SLC2A1: variants seen among roughly 807,000 people sequenced by gnomAD.
The protein encoded by SLC2A1 is solute carrier family 2 member 1.
In SLC2A1, 4 loss-of-function variants were observed where a neutral mutation model predicts 46.6. The observed-to-expected ratio is 0.09, with a 90% CI of 0.04 to 0.20. The LOEUF is 0.20. SLC2A1 is among the 10% of genes least tolerant of loss of function. The pLI, the probability that SLC2A1 is intolerant of heterozygous loss-of-function variation, is 1.00. For missense variants in SLC2A1, 352 were observed against 667.0 expected (o/e 0.53, Z 5.20); for synonymous variants, 253 against 270.0 (o/e 0.94, Z 0.62).
At chr1:42,944,614 T>C (rs1332023502) in intron 1 of SLC2A1, among the ~76,000 whole-genome samples, 2 of 115,146 alleles carry the variant, frequency 1.7e-5, no homozygotes, top group Non-Finnish European at 3.2e-5. Context: ...TATGGTCTTT[T>C]CATTCTCTGA....
chr1:42,944,306 G>A (rs902388279), intron 1 of SLC2A1, among the ~76,000 whole-genome samples: 1 of 152,206 alleles, frequency 6.6e-6, no homozygotes, highest in Non-Finnish European at 1.5e-5. Flanking sequence ...CCAGCAGGGT[G>A]TCAGCCCTGC....
chr1:42,936,875 A>G (rs1643546903), intron 2 of SLC2A1, among the ~76,000 whole-genome samples: 1 of 152,060 alleles, frequency 6.6e-6, no homozygotes, highest in Non-Finnish European at 1.5e-5. Flanking sequence ...CTTCCTCCCG[A>G]GAACCACCCC....
At chr1:42,935,676 G>A (rs1177507549) in intron 2 of SLC2A1, among the ~76,000 whole-genome samples, 1 of 152,144 alleles carries the variant, frequency 6.6e-6, no homozygotes, top group Non-Finnish European at 1.5e-5. Flanking sequence ...GACCCTGCTC[G>A]GCTGCTCCTG....
In SLC2A1 at chr1:42,930,830, G is replaced by C. The variant is rs76672402; in HGVS notation, c.312C>G (p.Phe104Leu). The C allele has an allele frequency of 1.1e-4, 176 of 1,600,710 alleles. 4 individuals are homozygous for C. Among genetic ancestry groups the C allele is most frequent in the Non-Finnish European group, 2.9e-5 (34 of 1,179,952 alleles). ...AGAAGCCCATGAGCACGGCGGACAC[G>C]AAGGCCAGCAGGTTCATCATCAGCA... ...NSMLMMNLLA[F>L]VSAVLMGFSK... Residue 104 changes from phenylalanine (F) to leucine (L), a missense_variant, in exon 4 of 10, where the codon TTC becomes TTG. By Grantham distance (22) the Phe-to-Leu change is conservative. Around this residue, in one of 5 missense-constraint regions of SLC2A1, gnomAD observed 97 missense variants for 175.6 expected, o/e 0.55. Coordinates refer to ENST00000426263, the MANE Select transcript of SLC2A1 (RefSeq NM_006516.4). This position sits in a 1 kb window ranked among gnomAD's most constrained non-coding sequence, Gnocchi z 6.2.
intron 2 of SLC2A1, among the ~76,000 whole-genome samples, chr1:42,942,275 G>C (rs1643605690): frequency 6.6e-6 from 1 of 152,204 alleles, no homozygotes; most frequent in African/African-American, 2.4e-5. Context: ...CCTTGGGCCT[G>C]TCGGCCATTT....
intron 1 of SLC2A1, 44 bp downstream of exon 1, chr1:42,958,590 G>C: frequency 2.7e-6 from 4 of 1,507,264 alleles, no homozygotes; most frequent in South Asian, 1.2e-5. Context: ...GCAGGAGTCT[G>C]CGCCTTTGTT....
intron 2 of SLC2A1, among the ~76,000 whole-genome samples, chr1:42,933,341 T>C (rs1643511526): frequency 6.6e-6 from 1 of 152,118 alleles, no homozygotes; most frequent in South Asian, 2.1e-4. Flanking sequence ...GCCTTTGAGA[T>C]GCTACTACTC....
chr1:42,952,272 G>C (rs1010425748), intron 1 of SLC2A1: 1 of 421,810 alleles, frequency 2.4e-6, no homozygotes, highest in Non-Finnish European at 4.8e-6. Flanking sequence ...TCAGGATCAA[G>C]CCCACAAATA....
At chr1:42,935,115 G>C (rs1643529278) in intron 2 of SLC2A1, among the ~76,000 whole-genome samples, 1 of 152,166 alleles carries the variant, frequency 6.6e-6, no homozygotes. Context: ...GTTCTGGTTA[G>C]TTCCTGGGGG....
rs757187038 is a variant in SLC2A1 at position 42,929,806 on chromosome 1, G to A, written c.680-26C>T. On this transcript the variant is annotated intron_variant, in intron 5 of 9. Transcript: ENST00000426263. The surrounding 1 kb of genome is among the most constrained non-coding windows in gnomAD (Gnocchi z 6.0). ...CTGGGGGGACCGGAGGGAAGGTGAG[G>A]GTGGCTCAGAGTGGGAAGAAGGCCA... The A allele has an allele frequency of 3.7e-6, 6 of 1,614,092 alleles. No individual in the cohort carries two copies. Among genetic ancestry groups the A allele is most frequent in the African/African-American group, 2.7e-5 (2 of 74,942 alleles).
intron 2 of SLC2A1, among the ~76,000 whole-genome samples, chr1:42,940,576 G>T (rs544610680): frequency 1.3e-5 from 2 of 148,818 alleles, no homozygotes; most frequent in South Asian, 4.4e-4. Context: ...GCAATGGGTT[G>T]TTCTCTGGGG....
chr1:42,955,732 C>T (rs538522640), intron 1 of SLC2A1, among the ~76,000 whole-genome samples: 1 of 152,298 alleles, frequency 6.6e-6, no homozygotes, highest in East Asian at 1.9e-4. Flanking sequence ...ATAGGCAAGG[C>T]TAGTTACAAG....
intron 8 of SLC2A1, among the ~76,000 whole-genome samples, chr1:42,928,572 G>A (rs988163647): frequency 2.6e-5 from 4 of 152,186 alleles, no homozygotes; most frequent in African/African-American, 9.7e-5. Context: ...GCATGTTTCT[G>A]CGCCTCTATG....
rs746091725 is a variant in SLC2A1, at chr1:42,929,229, G to A, written c.953C>T (p.Thr318Met). Reference protein sequence around the residue: ...YATIGSGIVNTAFTVVSLFVV... With the variant: ...YATIGSGIVNMAFTVVSLFVV... ...ACTCACCGACACGACAGTGAAGGCCGTGTTGACGATACCGGAGCCAATGGT... is the reference window on the plus strand; with the variant it reads ...ACTCACCGACACGACAGTGAAGGCCATGTTGACGATACCGGAGCCAATGGT... Residue 318 changes from threonine (T) to methionine (M), a missense_variant, in exon 7 of 10, where the codon ACG becomes ATG. By Grantham distance (81) the Thr-to-Met change is moderately conservative. Transcript: ENST00000426263. The surrounding 1 kb of genome is among the most constrained non-coding windows in gnomAD (Gnocchi z 6.0). 10 of 1,613,874 alleles carry A rather than the reference G, an allele frequency of 6.2e-6. No homozygotes were observed. Among genetic ancestry groups the A allele is most frequent in the South Asian group, 3.3e-5 (3 of 91,070 alleles).
intron 1 of SLC2A1, among the ~76,000 whole-genome samples, chr1:42,943,617 T>C (rs1362657242): frequency 6.6e-6 from 1 of 152,132 alleles, no homozygotes; most frequent in Non-Finnish European, 1.5e-5. Context: ...GGGGTCTCAT[T>C]TCCCTGGTGG....
intron 1 of SLC2A1, among the ~76,000 whole-genome samples, chr1:42,956,274 G>A (rs1174123786): frequency 2.6e-5 from 4 of 152,170 alleles, no homozygotes; most frequent in East Asian, 1.9e-4. Context: ...ACAGCCGGGC[G>A]TGGTGGCTCA....
At chr1:42,942,978 G>C in intron 2 of SLC2A1, 2 of 572,026 alleles carry the variant, frequency 3.5e-6, no homozygotes, top group Non-Finnish European at 6.3e-6. Context: ...TGGGGGGTTG[G>C]TCAAGAGGGC....
In SLC2A1 at chr1:42,929,579, G is replaced by A; in HGVS notation, c.867+14C>T. 6.2e-7 allele frequency: 1 copy of A among 1,608,038 alleles called. No homozygotes were observed. Among genetic ancestry groups the A allele is most frequent in the South Asian group, 1.1e-5 (1 of 90,600 alleles). ...CTTGGCTGGGGCACAGGAAGGGTGG[G>A]TGGGGGCACTCACAGCGTTGATGCC... is the stretch of plus-strand genomic sequence containing the variant. On this transcript the variant is annotated intron_variant, in intron 6 of 9. Transcript: ENST00000426263. This position sits in a 1 kb window ranked among gnomAD's most constrained non-coding sequence, Gnocchi z 6.0.
chr1:42,941,025 C>A (rs1643592343), intron 2 of SLC2A1, among the ~76,000 whole-genome samples: 1 of 152,208 alleles, frequency 6.6e-6, no homozygotes, highest in Non-Finnish European at 1.5e-5. Context: ...TTCTCTGTTG[C>A]CCTCGCACGG....
Sources: allele counts gnomAD v4.1 joint callset (sites outside exome capture counted in the v4.1 genomes callset), GRCh38; gene constraint gnomAD v4.1.1; regional missense constraint gnomAD v4.1.1; non-coding constraint Gnocchi (gnomAD v3.1); transcripts MANE v1.5; gene names NCBI Gene and HGNC (gene_info 2026-07-23, HGNC 2026-07-21).